The following ACOT12 variants were observed in gnomAD, a reference collection of about 807,000 sequenced individuals.
ACOT12 encodes acyl-CoA thioesterase 12, also known as acetyl-coenzyme A thioesterase.
Under a neutral mutation model 67.7 loss-of-function variants are expected in ACOT12, and 51 were observed. The ratio of observed to expected loss-of-function variants is 0.75; its 90% CI spans 0.60 to 0.95. The LOEUF (loss-of-function observed/expected upper bound fraction) is 0.95, where lower values mean the gene tolerates loss of function less well. Ranked by LOEUF, ACOT12 falls within the 40% of genes least tolerant of loss-of-function variation. The pLI is 0.00. For missense variants in ACOT12, 734 were observed against 708.1 expected, an observed-to-expected ratio of 1.04 and a Z score of -0.41; for synonymous variants, 251 against 244.6, an observed-to-expected ratio of 1.03 and a Z score of -0.24.
At chr5:81,329,755 T>C (rs1758756707), downstream of ACOT12, among the ~76,000 whole-genome samples, 1 of 152,252 alleles carries the variant, frequency 6.6e-6, no homozygotes, top group Non-Finnish European at 1.5e-5. Context: ...TCTGTAATAC[T>C]ACATTTTACA....
chr5:81,351,880 T>C (rs1759562878), intron 5 of ACOT12, among the ~76,000 whole-genome samples: 2 of 152,106 alleles, frequency 1.3e-5, no homozygotes, highest in Admixed American at 6.5e-5. Context: ...ATAACCAGAA[T>C]ATATAAGGAG....
intron 3 of ACOT12, among the ~76,000 whole-genome samples, chr5:81,367,769 G>C (rs1161269616): frequency 6.6e-6 from 1 of 152,128 alleles, no homozygotes; most frequent in Non-Finnish European, 1.5e-5. Context: ...GTAGAAGGCA[G>C]AGATTGTTAG....
intron 2 of ACOT12, among the ~76,000 whole-genome samples, chr5:81,373,816 T>C (rs771236421): frequency 5.3e-5 from 8 of 152,156 alleles, no homozygotes; most frequent in Non-Finnish European, 1.0e-4. Context: ...ACTGCCTCTC[T>C]AGATTCCTCC....
intron 1 of ACOT12, among the ~76,000 whole-genome samples, chr5:81,393,752 C>T (rs1266105354): frequency 1.3e-5 from 2 of 152,106 alleles, no homozygotes; most frequent in East Asian, 3.9e-4. Context: ...CAGAAGCTCT[C>T]TGGGCTCCTC....
At chr5:81,353,952 T>C (rs901823614) in intron 5 of ACOT12, among the ~76,000 whole-genome samples, 32 of 152,340 alleles carry the variant, frequency 2.1e-4, no homozygotes, top group African/African-American at 7.0e-4. Flanking sequence ...ACCAACTCCA[T>C]CTGATCTAAG....
At chr5:81,323,117 T>C in the ACOT12 span, among the ~76,000 whole-genome samples, 2 of 140,090 alleles carry the variant, frequency 1.4e-5, no homozygotes, top group Non-Finnish European at 1.5e-5. Context: ...GAGAGACCAA[T>C]ATGGCTGGAA....
intron 6 of ACOT12, 72 bp from the exon 7 acceptor site, chr5:81,346,076 G>T: frequency 6.3e-7 from 1 of 1,580,142 alleles, no homozygotes; most frequent in Non-Finnish European, 8.6e-7. Context: ...GCACAGACAA[G>T]TCTTCAAATA....
At chr5:81,319,764 C>T in the ACOT12 span, among the ~76,000 whole-genome samples, 359 of 152,000 alleles carry the variant, frequency 2.4e-3, 2 homozygotes, top group African/African-American at 8.3e-3. Context: ...ATTCATCCTT[C>T]CTATCCCCCA....
intron 11 of ACOT12, among the ~76,000 whole-genome samples, chr5:81,337,902 C>T (rs1231730308): frequency 6.6e-6 from 1 of 152,194 alleles, no homozygotes; most frequent in African/African-American, 2.4e-5. Flanking sequence ...GGAGCCAAAC[C>T]AAACATCAAG....
In ACOT12 at chr5:81,360,127, G is replaced by A. The variant is rs933220918; in HGVS notation, c.361-89C>T. The A allele has an allele frequency of 3.0e-6, 4 of 1,341,336 alleles. No homozygotes were observed. In the Admixed American group the frequency reaches 7.5e-5, roughly 25 times the overall value. 83.1% of individuals were successfully genotyped at this position (1,341,336 alleles called of 1,614,324 possible). ...TTGCAAAACAAATGATATGCTACAT[G>A]GTTTTCTAACTCAAGTAAATAGAGC... On this transcript the variant is annotated intron_variant, in intron 4 of 14. Transcript: ENST00000307624.
intron 5 of ACOT12, among the ~76,000 whole-genome samples, chr5:81,355,577 A>T (rs576890678): frequency 1.3e-5 from 2 of 152,374 alleles, no homozygotes; most frequent in African/African-American, 4.8e-5. Context: ...ACTTGGTTAC[A>T]GACCTGGATA....
At chr5:81,359,186 G>A (rs779474190) in intron 5 of ACOT12, among the ~76,000 whole-genome samples, 1 of 152,158 alleles carries the variant, frequency 6.6e-6, no homozygotes, top group Non-Finnish European at 1.5e-5. Context: ...GTGAGCTTGT[G>A]GGGCCTGGGC....
intron 8 of ACOT12, among the ~76,000 whole-genome samples, chr5:81,344,430 T>C (rs1759307546): frequency 6.6e-6 from 1 of 152,230 alleles, no homozygotes; most frequent in African/African-American, 2.4e-5. Flanking sequence ...AGCTATTTTC[T>C]TCCTTTTCTC....
At chr5:81,348,792 G>A (rs560393147) in intron 5 of ACOT12, among the ~76,000 whole-genome samples, 166 of 152,210 alleles carry the variant, frequency 1.1e-3, no homozygotes, top group Non-Finnish European at 1.6e-3. Flanking sequence ...TTGAACTCCT[G>A]ACCTCAGGTG....
chr5:81,329,549 C>T (rs1232599614), downstream of ACOT12, among the ~76,000 whole-genome samples: 3 of 152,164 alleles, frequency 2.0e-5, no homozygotes, highest in Non-Finnish European at 4.4e-5. Flanking sequence ...TGCATCTAAT[C>T]TGTTAAGTGC....
downstream of ACOT12, among the ~76,000 whole-genome samples, chr5:81,327,943 G>A (rs1033212479): frequency 6.6e-6 from 1 of 152,158 alleles, no homozygotes; most frequent in Non-Finnish European, 1.5e-5. Flanking sequence ...TAACTTAGCT[G>A]CTTACCCTTG....
chr5:81,379,837 C>T (rs931550154), intron 2 of ACOT12, among the ~76,000 whole-genome samples: 1 of 152,108 alleles, frequency 6.6e-6, no homozygotes, highest in Non-Finnish European at 1.5e-5. Flanking sequence ...TGGGGTCAAG[C>T]GATCTTCCTG....
At chr5:81,370,031 C>T (rs1487431101) in intron 3 of ACOT12, among the ~76,000 whole-genome samples, 1 of 152,198 alleles carries the variant, frequency 6.6e-6, no homozygotes, top group Non-Finnish European at 1.5e-5. Flanking sequence ...GTGATCGATC[C>T]TAGCACTTTG....
intron 3 of ACOT12, among the ~76,000 whole-genome samples, chr5:81,366,708 A>C (rs1242361945): frequency 6.6e-6 from 1 of 152,182 alleles, no homozygotes; most frequent in African/African-American, 2.4e-5. Flanking sequence ...AATATAAAAA[A>C]ATCAAAGTGG....
Sources: gnomAD v4.1 joint callset for allele counts (sites outside exome capture counted in the v4.1 genomes callset) on GRCh38, gnomAD v4.1.1 for gene constraint, MANE v1.5 for transcripts, NCBI Gene and HGNC (gene_info 2026-07-23, HGNC 2026-07-21) for gene names.